The following FRMD4A variants were observed in gnomAD, a reference collection of about 807,000 sequenced individuals.
FRMD4A encodes the protein FERM domain containing 4A, also known as FERM domain-containing protein 4A.
A neutral mutation model predicts 129.1 loss-of-function variants in FRMD4A; 29 were observed. The ratio of observed to expected loss-of-function variants is 0.22; its 90% CI spans 0.17 to 0.31. The LOEUF (loss-of-function observed/expected upper bound fraction) is 0.31, where lower values mean the gene tolerates loss of function less well. Ranked by LOEUF, FRMD4A falls within the 10% of genes least tolerant of loss-of-function variation. The pLI, the probability that FRMD4A is intolerant of heterozygous loss-of-function variation, is 1.00. For missense variants in FRMD4A, 1,272 were observed against 1,375.8 expected, an observed-to-expected ratio of 0.92 and a Z score of 1.19; for synonymous variants, 634 against 571.6, an observed-to-expected ratio of 1.11 and a Z score of -1.56.
intron 2 of FRMD4A, among the ~76,000 whole-genome samples, chr10:13,867,616 T>C (rs888703512): frequency 1.2e-4 from 2 of 17,272 alleles, no homozygotes; most frequent in African/African-American, 4.2e-4. Context: ...ATTATTATAA[T>C]GTATATGATA....
chr10:13,937,993 C>A (rs1393606410), intron 2 of FRMD4A, among the ~76,000 whole-genome samples: 1 of 152,136 alleles, frequency 6.6e-6, no homozygotes, highest in Non-Finnish European at 1.5e-5. Flanking sequence ...TACCCACATG[C>A]TTTTCTGTTT....
At chr10:13,949,020 A>T (rs1433962150) in intron 2 of FRMD4A, among the ~76,000 whole-genome samples, 1 of 152,146 alleles carries the variant, frequency 6.6e-6, no homozygotes, top group Non-Finnish European at 1.5e-5. Flanking sequence ...ATTTGCAATC[A>T]TGTTCAAGCT....
intron 2 of FRMD4A, among the ~76,000 whole-genome samples, chr10:13,875,042 T>C (rs2094475011): frequency 6.6e-6 from 1 of 152,062 alleles, no homozygotes; most frequent in Non-Finnish European, 1.5e-5. Flanking sequence ...GAAGGAGTGA[T>C]ATCTGCAGAA....
chr10:14,225,272 C>A (rs941191974), intron 2 of FRMD4A, among the ~76,000 whole-genome samples: 3 of 152,140 alleles, frequency 2.0e-5, no homozygotes, highest in African/African-American at 7.2e-5. Flanking sequence ...TCATCCCCAA[C>A]CCTCAATCCC....
intron 2 of FRMD4A, among the ~76,000 whole-genome samples, chr10:14,217,160 C>A (rs1320364717): frequency 6.6e-6 from 1 of 152,182 alleles, no homozygotes; most frequent in Admixed American, 6.5e-5. Flanking sequence ...TAAATATGCA[C>A]CTTGACCCAG....
chr10:13,919,969 AAACT>A (rs372645018), intron 2 of FRMD4A, among the ~76,000 whole-genome samples: 19 of 152,176 alleles, frequency 1.2e-4, no homozygotes, highest in African/African-American at 2.4e-4. Flanking sequence ...ACACACAAAC[AAACT>A]AACACAATTG....
At chr10:14,061,554 A>G (rs1351864318) in intron 2 of FRMD4A, among the ~76,000 whole-genome samples, 1 of 152,202 alleles carries the variant, frequency 6.6e-6, no homozygotes, top group Non-Finnish European at 1.5e-5. Context: ...AGTGGGTACA[A>G]TCTTTCCAGA....
intron 2 of FRMD4A, among the ~76,000 whole-genome samples, chr10:14,042,234 G>T (rs1555022674): frequency 6.6e-6 from 1 of 152,212 alleles, no homozygotes; most frequent in Non-Finnish European, 1.5e-5. Context: ...TTAGGTCATA[G>T]CCTGTTCCTC....
intron 2 of FRMD4A, among the ~76,000 whole-genome samples, chr10:14,307,385 C>G (rs531765186): frequency 4.6e-5 from 7 of 152,194 alleles, no homozygotes; most frequent in Admixed American, 3.3e-4. Flanking sequence ...AGAGGATGAG[C>G]GCATGACAGA....
chr10:13,771,000 A>G (rs1041509265), intron 6 of FRMD4A, among the ~76,000 whole-genome samples: 4 of 152,186 alleles, frequency 2.6e-5, no homozygotes, highest in African/African-American at 9.7e-5. Context: ...GTATTGAATA[A>G]AGACCATTTA....
chr10:13,789,980 T>C (rs888218258), intron 5 of FRMD4A, among the ~76,000 whole-genome samples: 4 of 151,958 alleles, frequency 2.6e-5, no homozygotes, highest in African/African-American at 9.7e-5. Context: ...TAGGGGAGTT[T>C]GGAAGGGGTC....
chr10:13,664,711 T>A (rs1180968353), intron 18 of FRMD4A, among the ~76,000 whole-genome samples: 1 of 152,080 alleles, frequency 6.6e-6, no homozygotes, highest in Non-Finnish European at 1.5e-5. Flanking sequence ...AACATTTTTT[T>A]TTTTTTCAGA....
chr10:13,935,480 T>TGA (rs2095241507), intron 2 of FRMD4A, among the ~76,000 whole-genome samples: 1 of 128,306 alleles, frequency 7.8e-6, no homozygotes, highest in African/African-American at 2.8e-5. Context: ...AAAAAAGTTG[T>TGA]TACCAAATGA....
At chr10:14,111,681 C>T (rs762819554) in intron 2 of FRMD4A, among the ~76,000 whole-genome samples, 3 of 152,006 alleles carry the variant, frequency 2.0e-5, no homozygotes, top group East Asian at 1.9e-4. Flanking sequence ...CAATGCATTA[C>T]GTCATGTACC....
chr10:13,956,244 C>T (rs941293452), intron 2 of FRMD4A, among the ~76,000 whole-genome samples: 1 of 152,162 alleles, frequency 6.6e-6, no homozygotes, highest in Non-Finnish European at 1.5e-5. Flanking sequence ...ACTCTGCCTC[C>T]CAGGTTGAAG....
chr10:13,863,143 T>C (rs1009834965), intron 2 of FRMD4A, among the ~76,000 whole-genome samples: 1 of 152,080 alleles, frequency 6.6e-6, no homozygotes, highest in African/African-American at 2.4e-5. Flanking sequence ...CTAAAGGAAA[T>C]ACGAAAAAGT....
At chr10:14,094,932 T>C (rs746560909) in intron 2 of FRMD4A, among the ~76,000 whole-genome samples, 7 of 152,028 alleles carry the variant, frequency 4.6e-5, no homozygotes, top group African/African-American at 9.7e-5. Flanking sequence ...TGTGTGCCCA[T>C]GTGTATGTAT....
chr10:13,897,282 G>T (rs1209329337), intron 2 of FRMD4A, among the ~76,000 whole-genome samples: 1 of 152,220 alleles, frequency 6.6e-6, no homozygotes, highest in Non-Finnish European at 1.5e-5. Context: ...GAAGAAAGAA[G>T]CAGCAGAAAT....
At chr10:14,266,523 GTA>G (rs1491493671) in intron 2 of FRMD4A, among the ~76,000 whole-genome samples, 224 of 147,698 alleles carry the variant, frequency 1.5e-3, no homozygotes, top group African/African-American at 5.3e-3. Context: ...GTGTGTGTGT[GTA>G]TGTGTGTGGC....
Sources: gnomAD v4.1 joint callset for allele counts (sites outside exome capture counted in the v4.1 genomes callset) on GRCh38, gnomAD v4.1.1 for gene constraint, MANE v1.5 for transcripts, NCBI Gene and HGNC (gene_info 2026-07-23, HGNC 2026-07-21) for gene names.